Variants in FBXL5 observed in about 807,000 individuals in gnomAD.
FBXL5 encodes F-box and leucine rich repeat protein 5.
A neutral mutation model predicts 78.3 loss-of-function variants in FBXL5; 26 were observed. The ratio of observed to expected loss-of-function variants is 0.33; its 90% confidence interval spans 0.24 to 0.46. FBXL5 has a LOEUF of 0.46. Ranked by LOEUF, FBXL5 falls within the 20% of genes least tolerant of loss-of-function variation. FBXL5 has a pLI of 1.00. For missense variants in FBXL5, 710 were observed against 829.2 expected (o/e 0.86, Z 1.77); for synonymous variants, 295 against 282.5 (o/e 1.04, Z -0.45).
intron 6 of FBXL5, among the ~76,000 whole-genome samples, chr4:15,630,343 A>T (rs1179853285): frequency 6.6e-6 from 1 of 151,518 alleles, no homozygotes; most frequent in Non-Finnish European, 1.5e-5. Context: ...TGTGCAACTG[A>T]TCACTTGAAG....
At chr4:15,678,990 A>G (rs1718096459) in intron 1 of FBXL5, among the ~76,000 whole-genome samples, 1 of 152,210 alleles carries the variant, frequency 6.6e-6, no homozygotes, top group South Asian at 2.1e-4. Context: ...AACTACATTG[A>G]TAATAGTCTC....
intron 1 of FBXL5, 44 bp downstream of exon 1, chr4:15,655,160 C>T (rs1342257593): frequency 8.2e-6 from 11 of 1,337,816 alleles, no homozygotes; most frequent in Non-Finnish European, 1.1e-5. Context: ...CGCTCCCCAT[C>T]GCCGCCCGCA....
intron 9 of FBXL5, among the ~76,000 whole-genome samples, chr4:15,615,107 C>G (rs979903361): frequency 6.6e-6 from 1 of 152,164 alleles, no homozygotes; most frequent in African/African-American, 2.4e-5. Flanking sequence ...GCCAGCCCAC[C>G]GGCACCGCGC....
At chr4:15,650,627 C>A (rs1255566727) in intron 1 of FBXL5, among the ~76,000 whole-genome samples, 1 of 147,750 alleles carries the variant, frequency 6.8e-6, no homozygotes, top group African/African-American at 2.5e-5. Context: ...AACATGATAT[C>A]TTCCACATTT....
At chr4:15,637,491 G>A (rs1287482954) in intron 4 of FBXL5, among the ~76,000 whole-genome samples, 1 of 152,102 alleles carries the variant, frequency 6.6e-6, no homozygotes, top group African/African-American at 2.4e-5. Flanking sequence ...CTTAAATATA[G>A]AAATGCTATG....
chr4:15,674,363 T>C (rs1717886888), intron 1 of FBXL5, among the ~76,000 whole-genome samples: 1 of 152,188 alleles, frequency 6.6e-6, no homozygotes, highest in Non-Finnish European at 1.5e-5. Context: ...GTTAACACTG[T>C]ACTGGGTATG....
intron 4 of FBXL5, 30 bp from the exon 5 acceptor site, chr4:15,636,706 A>C: frequency 6.8e-7 from 1 of 1,480,240 alleles, no homozygotes. Context: ...CTTTACCAGT[A>C]AAGGCTAAAG....
intron 1 of FBXL5, among the ~76,000 whole-genome samples, chr4:15,654,997 A>C (rs1479644943): frequency 6.6e-6 from 1 of 151,270 alleles, no homozygotes; most frequent in East Asian, 1.9e-4. Flanking sequence ...AGCACGTCCG[A>C]GGCGGCGGCC....
At chr4:15,656,970 T>A (rs1280536408), upstream of FBXL5, among the ~76,000 whole-genome samples, 2 of 150,022 alleles carry the variant, frequency 1.3e-5, no homozygotes, top group Non-Finnish European at 3.0e-5. Flanking sequence ...ATTGCATTAG[T>A]TGGGATACAG....
At chr4:15,633,030 T>C (rs1018164240) in intron 5 of FBXL5, among the ~76,000 whole-genome samples, 1 of 152,222 alleles carries the variant, frequency 6.6e-6, no homozygotes, top group Non-Finnish European at 1.5e-5. Context: ...CAATGGGCAA[T>C]TTTTTAGAAA....
chr4:15,633,361 T>G (rs1248254873), intron 5 of FBXL5, among the ~76,000 whole-genome samples: 1 of 152,208 alleles, frequency 6.6e-6, no homozygotes, highest in East Asian at 1.9e-4. Context: ...CAATTTCCCC[T>G]GCTGTCATTT....
chr4:15,672,646 A>T (rs377520103), intron 1 of FBXL5, among the ~76,000 whole-genome samples: 12 of 152,348 alleles, frequency 7.9e-5, no homozygotes, highest in Middle Eastern at 3.4e-3. Context: ...TGTTCTGGGT[A>T]AGTCAGTGAG....
rs191415361 is a variant in FBXL5, at chr4:15,623,999, T to A, written c.1850+1253A>T. Among the ~76,000 whole-genome samples the A allele has an allele frequency of 9.5e-3, 1,440 of 151,972 alleles. 19 individuals carry two copies. Among genetic ancestry groups the A allele is most frequent in the African/African-American group, 0.033 (1,373 of 41,434 alleles). The stretch of plus-strand genomic sequence containing the variant: ...CACCGTGCCCGGCTAATTTTTTTTT[T>A]ATTTTTAGTAGAGATGGGGTTTCAC... On this transcript the variant is annotated intron_variant, in intron 9 of 10. Coordinates refer to ENST00000341285, the MANE Select transcript of FBXL5 (RefSeq NM_012161.4).
At chr4:15,678,430 C>T (rs908251760) in intron 1 of FBXL5, among the ~76,000 whole-genome samples, 5 of 152,158 alleles carry the variant, frequency 3.3e-5, no homozygotes, top group African/African-American at 9.7e-5. Flanking sequence ...GGCATTGTAA[C>T]GACCACTTGA....
intron 6 of FBXL5, 83 bp downstream of exon 6, chr4:15,630,583 A>G: frequency 8.0e-7 from 1 of 1,251,046 alleles, no homozygotes; most frequent in Non-Finnish European, 1.1e-6. Context: ...CAAAATACAT[A>G]AATCTAATAC....
intron 1 of FBXL5, among the ~76,000 whole-genome samples, chr4:15,645,388 T>C (rs1715250940): frequency 6.6e-6 from 1 of 152,214 alleles, no homozygotes; most frequent in Admixed American, 6.5e-5. Flanking sequence ...ATACCAGTTC[T>C]ACCATTACTT....
chr4:15,625,903 G>C lies in FBXL5; in HGVS notation c.1199C>G (p.Ala400Gly), dbSNP rs1330436586. ...LSGCEKITDV[A>G]LEKISRALGI... ...AAGAGCTCTGGAAATCTTCTCTAGG[G>C]CCACATCTGTGATTTTCTCACAACC... The change falls in exon 9 of 11, where the codon GCC becomes GGC. Residue 400 changes from alanine (A) to glycine (G), a missense_variant. This residue lies in a region of FBXL5 where 517 missense variants were observed against 542.9 expected (regional missense o/e 0.95). Transcript: ENST00000341285. The C allele has an allele frequency of 6.2e-7, 1 of 1,613,858 alleles. No homozygotes were observed.
intron 1 of FBXL5, among the ~76,000 whole-genome samples, chr4:15,667,699 A>T (rs534343492): frequency 2.4e-4 from 37 of 152,278 alleles, no homozygotes; most frequent in Non-Finnish European, 4.4e-4. Flanking sequence ...AAGATATGAT[A>T]AATAAAACAT....
intron 1 of FBXL5, among the ~76,000 whole-genome samples, chr4:15,647,721 A>G (rs1387304697): frequency 6.6e-6 from 1 of 152,230 alleles, no homozygotes; most frequent in African/African-American, 2.4e-5. Context: ...CTAGCACAGT[A>G]GTTAAAAGCA....
Sources: allele counts gnomAD v4.1 joint callset (sites outside exome capture counted in the v4.1 genomes callset), GRCh38; gene constraint gnomAD v4.1.1; regional missense constraint gnomAD v4.1.1; transcripts MANE v1.5; gene names NCBI Gene and HGNC (gene_info 2026-07-23, HGNC 2026-07-21).